MAGI2: variants seen among roughly 807,000 people sequenced by gnomAD.
MAGI2 encodes the protein membrane associated guanylate kinase, WW and PDZ domain containing 2.
Under a neutral mutation model 133.3 loss-of-function variants are expected in MAGI2, and 35 were observed. That is an observed-to-expected ratio of 0.26 (90% CI 0.20 to 0.35). MAGI2 has a LOEUF of 0.35. Among genes scored for constraint, MAGI2 ranks in the 10% least tolerant of loss-of-function variants. MAGI2 has a pLI of 1.00. For synonymous variants in MAGI2, 729 were observed against 710.6 expected (o/e 1.03, Z -0.41); for missense variants, 1,636 against 1,863.4 (o/e 0.88, Z 2.25).
intron 9 of MAGI2, among the ~76,000 whole-genome samples, chr7:78,292,477 A>G (rs1465431490): frequency 6.6e-6 from 1 of 152,236 alleles, no homozygotes; most frequent in African/African-American, 2.4e-5. Flanking sequence ...ATGGGTAGGA[A>G]GAATCAATAT....
intron 2 of MAGI2, among the ~76,000 whole-genome samples, chr7:78,899,520 G>A (rs555101181): frequency 6.6e-6 from 1 of 152,212 alleles, no homozygotes; most frequent in South Asian, 2.1e-4. Context: ...GCCTTCATAA[G>A]CTTTAGTTTC....
intron 13 of MAGI2, among the ~76,000 whole-genome samples, chr7:78,180,108 G>T (rs3807671): frequency 0.72 from 109,920 of 152,106 alleles, 41,488 homozygotes; most frequent in Non-Finnish European, 0.84. Flanking sequence ...ACTTTAAGCT[G>T]GGAGGAACTC....
At chr7:78,373,705 G>T (rs1259834118) in intron 6 of MAGI2, among the ~76,000 whole-genome samples, 1 of 152,058 alleles carries the variant, frequency 6.6e-6, no homozygotes, top group South Asian at 2.1e-4. Context: ...CCCAGGTACT[G>T]AGCATAGTAG....
At chr7:79,403,408 G>A (rs1845599846) in intron 1 of MAGI2, among the ~76,000 whole-genome samples, 1 of 152,080 alleles carries the variant, frequency 6.6e-6, no homozygotes, top group African/African-American at 2.4e-5. Flanking sequence ...CAGTTGAAAT[G>A]TAGACATCTT....
chr7:78,828,646 T>C (rs1790873898), intron 2 of MAGI2, among the ~76,000 whole-genome samples: 1 of 152,194 alleles, frequency 6.6e-6, no homozygotes, highest in Non-Finnish European at 1.5e-5. Context: ...CTTTAGTTAA[T>C]GTTATTGTAT....
intron 6 of MAGI2, chr7:78,486,862 G>C (rs558247036): frequency 4.0e-6 from 2 of 502,470 alleles, no homozygotes; most frequent in Admixed American, 4.0e-5. Flanking sequence ...GATGTACAGA[G>C]GTGGCACAAT....
intron 21 of MAGI2, among the ~76,000 whole-genome samples, chr7:78,036,344 T>C (rs10238133): frequency 0.2 from 29,836 of 152,032 alleles, 4,051 homozygotes; most frequent in African/African-American, 0.38. Flanking sequence ...ATTATGCAAA[T>C]TTTCATAAAA....
At chr7:79,228,863 T>A (rs759403998) in intron 1 of MAGI2, among the ~76,000 whole-genome samples, 12 of 152,266 alleles carry the variant, frequency 7.9e-5, no homozygotes, top group African/African-American at 2.9e-4. Flanking sequence ...TGCTAATAGG[T>A]ACTGAGCATT....
chr7:79,319,038 T>C (rs1585554146), intron 1 of MAGI2, among the ~76,000 whole-genome samples: 1 of 152,114 alleles, frequency 6.6e-6, no homozygotes, highest in East Asian at 1.9e-4. Flanking sequence ...TATGAAAGGG[T>C]TCTTAAAGCG....
chr7:79,374,877 C>T (rs10253616), intron 1 of MAGI2, among the ~76,000 whole-genome samples: 27,485 of 151,746 alleles, frequency 0.18, 2,848 homozygotes, highest in East Asian at 0.29. Context: ...TCTCATCTGC[C>T]TTTCTGGTAC....
chr7:78,929,478 G>A (rs1799949651), intron 2 of MAGI2, among the ~76,000 whole-genome samples: 1 of 151,996 alleles, frequency 6.6e-6, no homozygotes, highest in South Asian at 2.1e-4. Flanking sequence ...AAGTTCACCT[G>A]GTTAAAGTCA....
intron 2 of MAGI2, among the ~76,000 whole-genome samples, chr7:78,742,027 A>G (rs566441890): frequency 2.0e-5 from 3 of 152,132 alleles, no homozygotes; most frequent in Non-Finnish European, 4.4e-5. Context: ...ATCAAAGGAC[A>G]GTAATCAGGA....
At chr7:78,417,013 C>G (rs1798364577) in intron 6 of MAGI2, among the ~76,000 whole-genome samples, 1 of 152,026 alleles carries the variant, frequency 6.6e-6, no homozygotes, top group African/African-American at 2.4e-5. Flanking sequence ...GACAAGTGGT[C>G]ACTGAAAGCC....
intron 21 of MAGI2, among the ~76,000 whole-genome samples, chr7:78,057,060 T>TTATATATA (rs59064919): frequency 8.9e-5 from 13 of 145,910 alleles, no homozygotes; most frequent in African/African-American, 3.0e-4. Flanking sequence ...TATATATAAA[T>TTATATATA]TATATATATA....
chr7:79,005,889 A>G (rs1807387230), intron 2 of MAGI2, among the ~76,000 whole-genome samples: 1 of 152,172 alleles, frequency 6.6e-6, no homozygotes. Flanking sequence ...CACTTAACTA[A>G]CACACACTGA....
intron 1 of MAGI2, among the ~76,000 whole-genome samples, chr7:79,086,992 A>G (rs890942224): frequency 6.6e-6 from 1 of 151,792 alleles, no homozygotes; most frequent in Non-Finnish European, 1.5e-5. Flanking sequence ...TAGAAATAAA[A>G]GAGTTATTTG....
chr7:78,502,746 A>T (rs533796892), intron 4 of MAGI2, among the ~76,000 whole-genome samples: 1 of 152,320 alleles, frequency 6.6e-6, no homozygotes, highest in Non-Finnish European at 1.5e-5. Flanking sequence ...CTACTGTACA[A>T]CAGAGCAAAA....
chr7:78,782,647 TA>T lies in MAGI2; in HGVS notation c.419-155409del, dbSNP rs535425407. Among the ~76,000 whole-genome samples the T allele has an allele frequency of 3.3e-3, 506 of 152,178 alleles. 1 individual carries two copies. Among genetic ancestry groups the T allele is most frequent in the African/African-American group, 0.011 (443 of 41,514 alleles). ...GAAGTGAGAAAAGATTTGAAGCCAT[TA>T]AATGACACTGAGAAAGACTGTCAGA... On this transcript the variant is annotated intron_variant, in intron 2 of 21. Transcript: ENST00000354212.
Position 79,373,585 on chromosome 7 carries a change from A to C in MAGI2, c.301+79435T>G, listed in dbSNP as rs560215302. 1.8e-3 allele frequency among the ~76,000 whole-genome samples: 273 copies of C among 152,184 alleles called. 1 individual carries two copies. Among genetic ancestry groups the C allele is most frequent in the African/African-American group, 6.0e-3 (250 of 41,560 alleles). On this transcript the variant is annotated intron_variant, in intron 1 of 21. Coordinates refer to ENST00000354212, the MANE Select transcript of MAGI2 (RefSeq NM_012301.4). ...CAGCATGATTATTATTCCACATTTA[A>C]ATGAATTTTATTCCCAAATAAAAAT... is the stretch of plus-strand genomic sequence containing the variant.
Sources: allele counts gnomAD v4.1 joint callset (sites outside exome capture counted in the v4.1 genomes callset), GRCh38; gene constraint gnomAD v4.1.1; transcripts MANE v1.5; gene names NCBI Gene and HGNC (gene_info 2026-07-23, HGNC 2026-07-21).